The following SCMH1 variants were observed in gnomAD, a reference collection of about 807,000 sequenced individuals.
The protein encoded by SCMH1 is Scm polycomb group protein homolog 1, also known as polycomb protein SCMH1.
A neutral mutation model predicts 70.8 loss-of-function variants in SCMH1; 37 were observed. The ratio of observed to expected loss-of-function variants is 0.52; its 90% CI spans 0.40 to 0.69. The LOEUF (loss-of-function observed/expected upper bound fraction) is 0.69, where lower values mean the gene tolerates loss of function less well. Ranked by LOEUF, SCMH1 falls within the 30% of genes least tolerant of loss-of-function variation. The pLI, the probability that SCMH1 is intolerant of heterozygous loss-of-function variation, is 0.00. For missense variants in SCMH1, 607 were observed against 827.3 expected (o/e 0.73, Z 3.27); for synonymous variants, 292 against 307.4 (o/e 0.95, Z 0.52).
intron 11 of SCMH1, among the ~76,000 whole-genome samples, chr1:41,047,240 G>T (rs1214096682): frequency 6.6e-6 from 1 of 152,084 alleles, no homozygotes; most frequent in African/African-American, 2.4e-5. Context: ...GGCAGGAGAA[G>T]AACCCCAGAG....
chr1:41,171,623 T>G (rs1385135451), intron 2 of SCMH1, among the ~76,000 whole-genome samples: 2 of 152,024 alleles, frequency 1.3e-5, no homozygotes, highest in African/African-American at 4.8e-5. Context: ...CATAAGCACA[T>G]GAAGCATTCT....
At position 41,058,378 on chromosome 1, in the gene SCMH1, G is replaced by GTTTTTTTTTTTTTTTTTTTTTTTTT. The variant is rs548733204; in HGVS notation, c.1106-9489_1106-9488insAAAAAAAAAAAAAAAAAAAAAAAAA. On this transcript the variant is annotated intron_variant, in intron 10 of 14. Coordinates refer to ENST00000337495, the Ensembl canonical transcript of SCMH1. ...TTAGTATTTATACATTTTCTTTCTT[G>GTTTTTTTTTTTTTTTTTTTTTTTTT]TTTTTTTTTTTTTTTTTTTTTTGAG... Among the ~76,000 whole-genome samples, 3 of 81,640 alleles carry GTTTTTTTTTTTTTTTTTTTTTTTTT rather than the reference G, an allele frequency of 3.7e-5. 1 individual carries two copies. The highest frequency in any genetic ancestry group is 6.3e-5 in the Non-Finnish European group (3 of 47,506). 53.6% of individuals were successfully genotyped at this position (81,640 alleles called of 152,430 possible). A position where few individuals can be genotyped will look rare whatever the true frequency, so the allele number is the denominator to read the frequency against.
intron 1 of SCMH1, among the ~76,000 whole-genome samples, chr1:41,223,588 T>C (rs1659697145): frequency 6.6e-6 from 1 of 152,186 alleles, no homozygotes; most frequent in Non-Finnish European, 1.5e-5. Context: ...AGGGACTGTA[T>C]CTTTCAATGT....
intron 1 of SCMH1, among the ~76,000 whole-genome samples, chr1:41,197,741 C>T (rs1412490256): frequency 6.6e-6 from 1 of 152,032 alleles, no homozygotes; most frequent in East Asian, 1.9e-4. Flanking sequence ...GTTTGAAAGC[C>T]TCATTCAACT....
At chr1:41,118,561 T>C (rs893170260) in intron 6 of SCMH1, among the ~76,000 whole-genome samples, 4 of 152,208 alleles carry the variant, frequency 2.6e-5, no homozygotes, top group African/African-American at 7.2e-5. Flanking sequence ...TACAAAATAC[T>C]TTCTGAAGTT....
At chr1:41,088,579 C>A (rs889521251) in intron 8 of SCMH1, among the ~76,000 whole-genome samples, 3 of 152,140 alleles carry the variant, frequency 2.0e-5, no homozygotes, top group Non-Finnish European at 4.4e-5. Context: ...GCGATCCTCC[C>A]AGCTTAGTTT....
In SCMH1 at chr1:41,083,336, C is replaced by A. The variant is rs1476491157; in HGVS notation, c.746-7885G>T. Among the ~76,000 whole-genome samples the A allele has an allele frequency of 2.0e-5, 3 of 152,102 alleles. No homozygotes were observed. In the South Asian group the frequency reaches 6.2e-4, roughly 32 times the overall value. On this transcript the variant is annotated intron_variant, in intron 8 of 14. Transcript: ENST00000337495. ...AACATTCTTATAAACCAGTATCAGACAAACAGAGAGCCAAATCATGAGTGA... is the reference window on the plus strand; with the variant it reads ...AACATTCTTATAAACCAGTATCAGAAAAACAGAGAGCCAAATCATGAGTGA...
At chr1:41,062,449 T>C (rs1031274061) in intron 10 of SCMH1, among the ~76,000 whole-genome samples, 2 of 151,270 alleles carry the variant, frequency 1.3e-5, no homozygotes, top group African/African-American at 2.4e-5. Flanking sequence ...ACTAAAAATA[T>C]AAAAAAATTA....
At chr1:41,096,714 C>A (rs1337046224) in intron 8 of SCMH1, among the ~76,000 whole-genome samples, 4 of 150,510 alleles carry the variant, frequency 2.7e-5, no homozygotes, top group Non-Finnish European at 4.4e-5. Context: ...CAAAGGGAAT[C>A]CTGTTCTATG....
intron 10 of SCMH1, among the ~76,000 whole-genome samples, chr1:41,053,773 A>T (rs1649137835): frequency 6.6e-6 from 1 of 152,194 alleles, no homozygotes; most frequent in African/African-American, 2.4e-5. Context: ...AAAGGACCAC[A>T]CAGAGTGTCA....
intron 9 of SCMH1, among the ~76,000 whole-genome samples, chr1:41,073,742 C>T (rs574042671): frequency 5.3e-5 from 8 of 151,792 alleles, no homozygotes; most frequent in Admixed American, 5.3e-4. Flanking sequence ...ATATAAGGTA[C>T]CACAGGAGAA....
chr1:41,038,711 G>GTC (rs36039050), intron 12 of SCMH1, among the ~76,000 whole-genome samples: 11,876 of 152,136 alleles, frequency 0.078, 596 homozygotes, highest in South Asian at 0.12. Flanking sequence ...GAAAAGATAA[G>GTC]TCTGAGGGTC....
At chr1:41,089,836 G>A (rs1351201114) in intron 8 of SCMH1, among the ~76,000 whole-genome samples, 1 of 113,200 alleles carries the variant, frequency 8.8e-6, no homozygotes, top group East Asian at 2.9e-4. Flanking sequence ...CTGTTGCCCA[G>A]GCTGGAGTGC....
chr1:41,136,917 C>A (rs1015535256), intron 6 of SCMH1, among the ~76,000 whole-genome samples: 1 of 151,576 alleles, frequency 6.6e-6, no homozygotes, highest in Non-Finnish European at 1.5e-5. Flanking sequence ...GCCAGGACAA[C>A]AGGCATATGC....
At chr1:41,200,703 T>A (rs1039805809) in intron 1 of SCMH1, among the ~76,000 whole-genome samples, 4 of 152,000 alleles carry the variant, frequency 2.6e-5, no homozygotes, top group African/African-American at 9.7e-5. Flanking sequence ...AAATAATTTT[T>A]AAAAATAAAA....
intron 1 of SCMH1, among the ~76,000 whole-genome samples, chr1:41,200,004 T>C (rs1373777890): frequency 2.0e-5 from 3 of 152,184 alleles, no homozygotes; most frequent in African/African-American, 7.2e-5. Flanking sequence ...ATATACAGTG[T>C]GTATGTACAG....
intron 10 of SCMH1, among the ~76,000 whole-genome samples, chr1:41,054,350 TG>T (rs1220668551): frequency 1.3e-5 from 2 of 152,148 alleles, no homozygotes; most frequent in East Asian, 3.9e-4. Context: ...GGCTTCTCCC[TG>T]CTTATGATAA....
intron 8 of SCMH1, among the ~76,000 whole-genome samples, chr1:41,106,247 G>A (rs1213148400): frequency 6.6e-6 from 1 of 151,770 alleles, no homozygotes; most frequent in East Asian, 1.9e-4. Context: ...CCCAGCGTTG[G>A]AGGTGGGGCC....
intron 8 of SCMH1, among the ~76,000 whole-genome samples, chr1:41,106,605 G>A (rs1667995221): frequency 6.6e-6 from 1 of 151,918 alleles, no homozygotes; most frequent in African/African-American, 2.4e-5. Flanking sequence ...GATGGTCTAT[G>A]AGGGAAGCAT....
Sources: allele counts gnomAD v4.1 joint callset (sites outside exome capture counted in the v4.1 genomes callset), GRCh38; gene constraint gnomAD v4.1.1; transcripts MANE v1.5; gene names NCBI Gene and HGNC (gene_info 2026-07-23, HGNC 2026-07-21).